The following C11orf65 variants were observed in gnomAD, a reference collection of about 807,000 sequenced individuals.
C11orf65 encodes the protein protein MFI.
C11orf65 carries 38 observed loss-of-function variants against 35.3 expected under a neutral mutation model. The observed-to-expected ratio is 1.08, with a 90% CI of 0.83 to 1.41. C11orf65 has a LOEUF of 1.41. Among genes scored for constraint, C11orf65 ranks in the 40% most tolerant of loss-of-function variants. C11orf65 has a pLI of 0.00. For synonymous variants in C11orf65, 105 were observed against 114.4 expected (o/e 0.92, Z 0.53); for missense variants, 370 against 367.1 (o/e 1.01, Z -0.06).
chr11:108,447,049 A>C (rs2093273336), intron 2 of C11orf65, among the ~76,000 whole-genome samples: 1 of 152,212 alleles, frequency 6.6e-6, no homozygotes, highest in South Asian at 2.1e-4. Context: ...CCATTACGTA[A>C]TGATAAAGGG....
intron 6 of C11orf65, chr11:108,317,304 G>A (rs2084761527): frequency 1.3e-6 from 2 of 1,516,976 alleles, no homozygotes; most frequent in Non-Finnish European, 1.8e-6. Context: ...TATCTTTGCT[G>A]TTTTTTTCTC....
Position 108,317,504 on chromosome 11 carries a change from C to G in C11orf65, c.641-8433G>C, listed in dbSNP as rs759029705. The G allele has an allele frequency of 6.2e-7, 1 of 1,609,582 alleles. No individual in the cohort carries two copies. Among genetic ancestry groups the G allele is most frequent in the South Asian group, 1.1e-5 (1 of 90,968 alleles). On this transcript the variant is annotated intron_variant, in intron 6 of 6. Coordinates refer to the C11orf65 transcript ENST00000525729. ...CAGCATGGAGGAATATGCAGTGGGA[C>G]CATTGCACTTCCGTCAGGTAAGAAA... is the stretch of plus-strand genomic sequence containing the variant.
In C11orf65 at chr11:108,411,792, C is replaced by CT. The variant is rs555110271; in HGVS notation, c.175-4644dup. Among the ~76,000 whole-genome samples, 435 of 143,252 alleles carry CT rather than the reference C, an allele frequency of 3.0e-3. 8 individuals carry two copies. The South Asian group carries it at 0.032, about 11-fold the overall frequency. 94.0% of individuals were successfully genotyped at this position (143,252 alleles called of 152,430 possible). ...GACACTGATTTTCTTTTTCTTTTTT[C>CT]TTTTTTTTTTTTTGAGATGGAGTCT... On this transcript the variant is annotated intron_variant, in intron 3 of 8. Transcript: ENST00000393084.
chr11:108,391,453 C>T (rs2092158728), intron 7 of C11orf65, among the ~76,000 whole-genome samples: 1 of 152,164 alleles, frequency 6.6e-6, no homozygotes, highest in Non-Finnish European at 1.5e-5. Flanking sequence ...GATCTCAGCT[C>T]ACTGCAACCT....
intron 2 of C11orf65, among the ~76,000 whole-genome samples, chr11:108,361,538 C>A (rs1032381945): frequency 1.3e-5 from 2 of 152,034 alleles, no homozygotes; most frequent in Admixed American, 6.5e-5. Flanking sequence ...CACTACCTGA[C>A]TTCAAACTAT....
At position 108,365,218 on chromosome 11, in the gene C11orf65, G is replaced by C. The variant is rs1555151525; in HGVS notation, c.226+27990C>G. On this transcript the variant is annotated intron_variant, in intron 2 of 3. Coordinates refer to the C11orf65 transcript ENST00000524755. The stretch of plus-strand genomic sequence containing the variant: ...GACCAAGAATGCAAACGAAATCTCA[G>C]GTGAGCAGTATTTTAAGAAGGTCCT... 4 of 1,614,146 alleles carry C rather than the reference G, an allele frequency of 2.5e-6. No homozygotes were observed. Among genetic ancestry groups the C allele is most frequent in the Non-Finnish European group, 3.4e-6 (4 of 1,180,032 alleles).
intron 8 of C11orf65, among the ~76,000 whole-genome samples, chr11:108,384,534 G>A (rs2091945015): frequency 6.6e-6 from 1 of 152,096 alleles, no homozygotes; most frequent in South Asian, 2.1e-4. Flanking sequence ...TGAATCAAGA[G>A]TCCACAATCC....
chr11:108,430,127 CT>C (rs34005627), intron 3 of C11orf65, among the ~76,000 whole-genome samples: 41,752 of 113,238 alleles, frequency 0.37, 5,602 homozygotes, highest in Middle Eastern at 0.58. Flanking sequence ...GAACTGTATT[CT>C]TTTTTTTTTT....
intron 3 of C11orf65, among the ~76,000 whole-genome samples, chr11:108,413,649 T>G (rs1425311907): frequency 3.9e-5 from 6 of 152,172 alleles, no homozygotes; most frequent in Non-Finnish European, 7.4e-5. Context: ...CCATACAATA[T>G]TAGCTGTGGA....
intron 2 of C11orf65, chr11:108,355,240 C>T (rs1352768708): frequency 3.7e-6 from 1 of 267,510 alleles, no homozygotes; most frequent in Non-Finnish European, 7.3e-6. Context: ...TGCTCAGGTT[C>T]AGAACTAATT....
intron 2 of C11orf65, among the ~76,000 whole-genome samples, chr11:108,350,344 A>C (rs1240588716): frequency 2.0e-5 from 3 of 152,238 alleles, no homozygotes; most frequent in Non-Finnish European, 2.9e-5. Flanking sequence ...AGTTAGGGAA[A>C]GAAGAGGGCT....
intron 2 of C11orf65, among the ~76,000 whole-genome samples, chr11:108,446,075 T>C (rs1010578629): frequency 1.1e-4 from 17 of 151,622 alleles, no homozygotes; most frequent in Admixed American, 7.2e-4. Flanking sequence ...GAAGGGAAGT[T>C]TAGAGAAAAA....
intron 6 of C11orf65, among the ~76,000 whole-genome samples, chr11:108,324,666 A>G (rs1367082868): frequency 6.6e-6 from 1 of 151,594 alleles, no homozygotes; most frequent in African/African-American, 2.4e-5. Context: ...TTGTCATCTT[A>G]CTCTCCCTGC....
chr11:108,466,578 C>T (rs1249079467), intron 1 of C11orf65, among the ~76,000 whole-genome samples: 1 of 152,144 alleles, frequency 6.6e-6, no homozygotes, highest in Non-Finnish European at 1.5e-5. Context: ...TTCTCAAAAA[C>T]AAACAACAAC....
intron 6 of C11orf65, among the ~76,000 whole-genome samples, chr11:108,401,066 G>A (rs757075913): frequency 4.6e-5 from 7 of 151,622 alleles, no homozygotes; most frequent in Admixed American, 6.6e-5. Context: ...CCGAGATTGC[G>A]CCACTGCACT....
In C11orf65 at chr11:108,345,803, T is replaced by A. The variant is rs370152402; in HGVS notation, c.227-10511A>T. On this transcript the variant is annotated intron_variant, in intron 2 of 3. Coordinates refer to the C11orf65 transcript ENST00000524755. ...AGTCTTCATGGATGTTTGCCAAAATTTTCAACCAGTTTTCCGTTACTTCTG... is the reference window on the plus strand; with the variant it reads ...AGTCTTCATGGATGTTTGCCAAAATATTCAACCAGTTTTCCGTTACTTCTG... The A allele has an allele frequency of 6.2e-7, 1 of 1,613,796 alleles. No individual in the cohort carries two copies. Among genetic ancestry groups the A allele is most frequent in the African/African-American group, 1.3e-5 (1 of 74,918 alleles).
At chr11:108,405,883 C>G (rs1469463204) in intron 5 of C11orf65, among the ~76,000 whole-genome samples, 2 of 152,204 alleles carry the variant, frequency 1.3e-5, no homozygotes, top group African/African-American at 4.8e-5. Flanking sequence ...GTGCTGATGG[C>G]TTTTGATGAC....
intron 3 of C11orf65, among the ~76,000 whole-genome samples, chr11:108,408,342 C>T (rs2092584988): frequency 6.6e-6 from 1 of 151,960 alleles, no homozygotes; most frequent in African/African-American, 2.4e-5. Context: ...CAGTAGATGA[C>T]CTTTCCTAAT....
intron 2 of C11orf65, among the ~76,000 whole-genome samples, chr11:108,457,987 C>G (rs954597837): frequency 1.3e-5 from 2 of 152,064 alleles, no homozygotes; most frequent in African/African-American, 2.4e-5. Context: ...ATATCTGAAC[C>G]ATGACTTTCA....
Sources: gnomAD v4.1 joint callset for allele counts (sites outside exome capture counted in the v4.1 genomes callset) on GRCh38, gnomAD v4.1.1 for gene constraint, MANE v1.5 for transcripts, NCBI Gene and HGNC (gene_info 2026-07-23, HGNC 2026-07-21) for gene names.